DGKB: variants seen among roughly 807,000 people sequenced by gnomAD.
The protein encoded by DGKB is 90 kDa diacylglycerol kinase.
A neutral mutation model predicts 114.3 loss-of-function variants in DGKB; 67 were observed. The observed-to-expected ratio is 0.59, with a 90% CI of 0.48 to 0.72. The LOEUF is 0.72. DGKB is among the 30% of genes least tolerant of loss of function. The pLI, the probability that DGKB is intolerant of heterozygous loss-of-function variation, is 0.00. For synonymous variants in DGKB, 398 were observed against 323.1 expected (o/e 1.23, Z -2.49); for missense variants, 907 against 975.2 (o/e 0.93, Z 0.93).
intron 20 of DGKB, among the ~76,000 whole-genome samples, chr7:14,532,537 A>T (rs941322726): frequency 6.6e-6 from 1 of 151,488 alleles, no homozygotes; most frequent in Admixed American, 6.6e-5. Context: ...AGTGTTAGAG[A>T]TGCACAGTTA....
At chr7:14,577,117 G>A (rs577973919) in intron 19 of DGKB, among the ~76,000 whole-genome samples, 1 of 152,054 alleles carries the variant, frequency 6.6e-6, no homozygotes, top group Non-Finnish European at 1.5e-5. Flanking sequence ...GCCAGCAAAA[G>A]ATTTTTACAG....
At chr7:14,383,682 A>G (rs1331614167) in intron 21 of DGKB, among the ~76,000 whole-genome samples, 1 of 152,194 alleles carries the variant, frequency 6.6e-6, no homozygotes, top group African/African-American at 2.4e-5. Context: ...TTCCTAACTG[A>G]GTCAACTTTC....
At chr7:14,158,668 G>A (rs1417689333) in intron 25 of DGKB, among the ~76,000 whole-genome samples, 1 of 152,038 alleles carries the variant, frequency 6.6e-6, no homozygotes, top group Non-Finnish European at 1.5e-5. Context: ...GCCATTGCTT[G>A]GTGTTATGAT....
chr7:14,848,592 T>C (rs1848947094), intron 1 of DGKB, among the ~76,000 whole-genome samples: 1 of 152,222 alleles, frequency 6.6e-6, no homozygotes, highest in Admixed American at 6.5e-5. Context: ...GCTATTCCCC[T>C]AAGCTCTGCT....
At chr7:14,788,280 C>G (rs777240192) in intron 2 of DGKB, among the ~76,000 whole-genome samples, 3 of 152,200 alleles carry the variant, frequency 2.0e-5, no homozygotes, top group Admixed American at 6.5e-5. Context: ...TCTTTCTAAG[C>G]CTGAGGATGC....
chr7:14,853,807 G>C (rs1409110351), intron 1 of DGKB, among the ~76,000 whole-genome samples: 1 of 144,048 alleles, frequency 6.9e-6, no homozygotes, highest in Non-Finnish European at 1.5e-5. Flanking sequence ...GGCGGAGCTT[G>C]CAGTGAGCCG....
intron 21 of DGKB, among the ~76,000 whole-genome samples, chr7:14,360,337 T>G (rs1400035982): frequency 1.3e-5 from 2 of 151,784 alleles, no homozygotes; most frequent in African/African-American, 4.8e-5. Context: ...GGGGGAGAGA[T>G]AGCTTTAGGA....
intron 2 of DGKB, among the ~76,000 whole-genome samples, chr7:14,783,445 A>C (rs1586476249): frequency 6.6e-6 from 1 of 152,210 alleles, no homozygotes; most frequent in East Asian, 1.9e-4. Flanking sequence ...ATGTGGAATA[A>C]AGTTAATTTG....
At chr7:14,589,512 T>C (rs890465375) in intron 17 of DGKB, among the ~76,000 whole-genome samples, 5 of 152,036 alleles carry the variant, frequency 3.3e-5, no homozygotes, top group Middle Eastern at 6.4e-3. Context: ...TATCTGTTAT[T>C]GAGATTTTAT....
At chr7:14,661,747 C>T (rs917645020) in intron 13 of DGKB, among the ~76,000 whole-genome samples, 4 of 151,594 alleles carry the variant, frequency 2.6e-5, no homozygotes, top group African/African-American at 9.7e-5. Context: ...TATAAAGACA[C>T]ATGCACACGT....
At chr7:14,368,864 T>A (rs1817150552) in intron 21 of DGKB, among the ~76,000 whole-genome samples, 1 of 152,150 alleles carries the variant, frequency 6.6e-6, no homozygotes, top group Non-Finnish European at 1.5e-5. Flanking sequence ...CAGACCATCA[T>A]GCAGATCCGA....
intron 25 of DGKB, among the ~76,000 whole-genome samples, chr7:14,170,044 G>A (rs1438099540): frequency 1.3e-5 from 2 of 150,614 alleles, no homozygotes; most frequent in Admixed American, 6.6e-5. Flanking sequence ...TGAGGCAGGA[G>A]AATCGCTTGA....
intron 21 of DGKB, among the ~76,000 whole-genome samples, chr7:14,430,890 T>C (rs780560439): frequency 4.6e-5 from 7 of 152,310 alleles, no homozygotes; most frequent in Middle Eastern, 6.8e-3. Context: ...TATCTAATTA[T>C]AACCATCCTG....
intron 23 of DGKB, among the ~76,000 whole-genome samples, chr7:14,256,135 T>G (rs1457155600): frequency 6.6e-6 from 1 of 152,254 alleles, no homozygotes. Flanking sequence ...TTTGCTTATC[T>G]ATTGAATCTT....
At chr7:14,919,124 A>AC (rs1784398616) in intron 1 of DGKB, among the ~76,000 whole-genome samples, 7 of 150,962 alleles carry the variant, frequency 4.6e-5, no homozygotes, top group African/African-American at 7.3e-5. Context: ...ACACACACAC[A>AC]AAGTTTATAT....
chr7:14,270,601 GATAA>G (rs1285603659), intron 23 of DGKB, among the ~76,000 whole-genome samples: 4 of 152,192 alleles, frequency 2.6e-5, no homozygotes, highest in South Asian at 2.1e-4. Flanking sequence ...GTGGTGCAAT[GATAA>G]ATAAATAGGT....
intron 1 of DGKB, among the ~76,000 whole-genome samples, chr7:14,956,639 C>A (rs1323789642): frequency 1.3e-5 from 2 of 151,964 alleles, no homozygotes; most frequent in East Asian, 3.9e-4. Flanking sequence ...AAGCTCTTAG[C>A]TTTCAGCAAA....
chr7:14,191,798 A>G (rs562273196), intron 23 of DGKB: 22 of 380,628 alleles, frequency 5.8e-5, no homozygotes, highest in African/African-American at 4.0e-4. Flanking sequence ...TACTCAGGTG[A>G]CTATTCTGCA....
At chr7:14,564,673 T>C (rs1335989227) in intron 20 of DGKB, among the ~76,000 whole-genome samples, 1 of 152,200 alleles carries the variant, frequency 6.6e-6, no homozygotes, top group East Asian at 1.9e-4. Context: ...GCATCTTCAC[T>C]GGCCCAATTT....
Sources: gnomAD v4.1 joint callset for allele counts (sites outside exome capture counted in the v4.1 genomes callset) on GRCh38, gnomAD v4.1.1 for gene constraint, MANE v1.5 for transcripts, NCBI Gene and HGNC (gene_info 2026-07-23, HGNC 2026-07-21) for gene names.